SNTG1: variants seen among roughly 807,000 people sequenced by gnomAD.
SNTG1 encodes the protein gamma-1-syntrophin.
Under a neutral mutation model 74.7 loss-of-function variants are expected in SNTG1, and 39 were observed. The ratio of observed to expected loss-of-function variants is 0.52; its 90% confidence interval spans 0.40 to 0.68. The LOEUF (loss-of-function observed/expected upper bound fraction) is 0.68. SNTG1 is among the 30% of genes least tolerant of loss of function. SNTG1 has a pLI of 0.00. For synonymous variants in SNTG1, 254 were observed against 217.1 expected (o/e 1.17, Z -1.49); for missense variants, 685 against 609.5 (o/e 1.12, Z -1.30).
chr8:50,711,976 C>A (rs2095462800), intron 17 of SNTG1, among the ~76,000 whole-genome samples: 1 of 152,160 alleles, frequency 6.6e-6, no homozygotes, highest in African/African-American at 2.4e-5. Context: ...AAAGCATAAT[C>A]TTGTTGCCAT....
intron 15 of SNTG1, among the ~76,000 whole-genome samples, chr8:50,662,105 G>A (rs1300082479): frequency 6.6e-6 from 1 of 152,086 alleles, no homozygotes; most frequent in Admixed American, 6.6e-5. Context: ...AATAAGAAGG[G>A]GCATCTTCTA....
intron 8 of SNTG1, among the ~76,000 whole-genome samples, chr8:50,460,547 A>G (rs1432956699): frequency 6.6e-6 from 1 of 152,098 alleles, no homozygotes; most frequent in Non-Finnish European, 1.5e-5. Flanking sequence ...ACTTAGTTAT[A>G]AATTCTTTCC....
chr8:50,526,340 C>A (rs2094219283), intron 9 of SNTG1, among the ~76,000 whole-genome samples: 1 of 152,150 alleles, frequency 6.6e-6, no homozygotes, highest in African/African-American at 2.4e-5. Flanking sequence ...AAGTTTGACA[C>A]TTACTTCTGA....
chr8:49,955,808 C>T (rs1005888923), intron 1 of SNTG1, among the ~76,000 whole-genome samples: 4 of 152,168 alleles, frequency 2.6e-5, no homozygotes, highest in African/African-American at 7.2e-5. Flanking sequence ...TCTGTATTCC[C>T]TCGCTGTGTC....
In SNTG1 at chr8:50,417,474, T is replaced by G. The variant is rs1027061619; in HGVS notation, c.162+15130T>G. On this transcript the variant is annotated intron_variant, in intron 4 of 18. Transcript: ENST00000642720. The stretch of plus-strand genomic sequence containing the variant: ...TATGAAATGTCGCCCAGTTATAATA[T>G]TCCATGGCTTGCTTCTCTTTTTTCT... Among the ~76,000 whole-genome samples, 16 of 152,184 alleles carry G rather than the reference T, an allele frequency of 1.1e-4. 1 individual carries two copies. Among genetic ancestry groups the G allele is most frequent in the Admixed American group, 9.8e-4 (15 of 15,252 alleles).
intron 1 of SNTG1, among the ~76,000 whole-genome samples, chr8:50,019,743 T>C (rs1816652033): frequency 6.6e-6 from 1 of 152,018 alleles, no homozygotes; most frequent in South Asian, 2.1e-4. Context: ...AGTAATATGA[T>C]AATGAGGAAA....
intron 2 of SNTG1, among the ~76,000 whole-genome samples, chr8:50,322,818 T>C (rs916918753): frequency 6.6e-6 from 1 of 151,956 alleles, no homozygotes; most frequent in Non-Finnish European, 1.5e-5. Context: ...AATTCTGCTA[T>C]TAAGATACTT....
intron 15 of SNTG1, among the ~76,000 whole-genome samples, chr8:50,667,619 C>A (rs1202733704): frequency 6.6e-6 from 1 of 151,944 alleles, no homozygotes; most frequent in African/African-American, 2.4e-5. Flanking sequence ...TCCCCAAGTC[C>A]CTACCTCTTA....
At chr8:50,153,641 G>T (rs1317283212) in intron 1 of SNTG1, among the ~76,000 whole-genome samples, 1 of 152,218 alleles carries the variant, frequency 6.6e-6, no homozygotes, top group Admixed American at 6.5e-5. Context: ...CTCAGCTGCA[G>T]GTCTGCTGGA....
intron 2 of SNTG1, among the ~76,000 whole-genome samples, chr8:50,384,978 A>G (rs1448639637): frequency 2.6e-5 from 4 of 152,180 alleles, no homozygotes; most frequent in Non-Finnish European, 5.9e-5. Flanking sequence ...CTAATAGCCA[A>G]TAGCAGAAAA....
At chr8:50,695,100 G>A (rs886976043) in intron 15 of SNTG1, among the ~76,000 whole-genome samples, 2 of 151,640 alleles carry the variant, frequency 1.3e-5, no homozygotes, top group Non-Finnish European at 1.5e-5. Context: ...TTAGGCAAGA[G>A]GAAGAAATAA....
intron 1 of SNTG1, among the ~76,000 whole-genome samples, chr8:50,032,744 C>T (rs1429925988): frequency 6.6e-6 from 1 of 152,160 alleles, no homozygotes; most frequent in Non-Finnish European, 1.5e-5. Context: ...CCTTCACTTC[C>T]AGGAAGCAGA....
chr8:50,287,866 G>T (rs1320104192), intron 2 of SNTG1, among the ~76,000 whole-genome samples: 1 of 151,842 alleles, frequency 6.6e-6, no homozygotes, highest in African/African-American at 2.4e-5. Flanking sequence ...TATGCTCACG[G>T]CATTCCCAGT....
intron 13 of SNTG1, among the ~76,000 whole-genome samples, chr8:50,610,937 C>T (rs1314055197): frequency 5.9e-5 from 9 of 151,542 alleles, no homozygotes; most frequent in African/African-American, 1.7e-4. Flanking sequence ...ATTTCTTTTT[C>T]GTATCATTCA....
At chr8:50,251,942 G>A (rs1215486451) in intron 2 of SNTG1, among the ~76,000 whole-genome samples, 1 of 152,052 alleles carries the variant, frequency 6.6e-6, no homozygotes, top group Non-Finnish European at 1.5e-5. Context: ...ACATTCTCGA[G>A]GGTAGATTAC....
chr8:50,103,918 A>G (rs1210699801), intron 1 of SNTG1, among the ~76,000 whole-genome samples: 1 of 152,140 alleles, frequency 6.6e-6, no homozygotes, highest in African/African-American at 2.4e-5. Context: ...AGCCCACTTG[A>G]TCATGCTGGA....
chr8:50,110,692 A>T (rs1490057031), intron 1 of SNTG1, among the ~76,000 whole-genome samples: 1 of 152,204 alleles, frequency 6.6e-6, no homozygotes, highest in Admixed American at 6.6e-5. Context: ...TATATTTAGT[A>T]CACATTGTAA....
chr8:50,024,821 G>C (rs1271412812), intron 1 of SNTG1, among the ~76,000 whole-genome samples: 2 of 152,100 alleles, frequency 1.3e-5, no homozygotes, highest in Non-Finnish European at 2.9e-5. Flanking sequence ...GCTACTAAGG[G>C]ATTAGTGGGT....
intron 1 of SNTG1, among the ~76,000 whole-genome samples, chr8:50,010,274 A>C (rs1815649169): frequency 6.6e-6 from 1 of 152,134 alleles, no homozygotes; most frequent in African/African-American, 2.4e-5. Flanking sequence ...AACTCACTTA[A>C]TCCTCACAAA....
Sources: gnomAD v4.1 joint callset for allele counts (sites outside exome capture counted in the v4.1 genomes callset) on GRCh38, gnomAD v4.1.1 for gene constraint, MANE v1.5 for transcripts, NCBI Gene and HGNC (gene_info 2026-07-23, HGNC 2026-07-21) for gene names.